Variants in TENM4 observed in about 807,000 individuals in gnomAD.
TENM4 encodes teneurin-4.
TENM4 carries 82 observed loss-of-function variants against 243.3 expected under a neutral mutation model. The ratio of observed to expected loss-of-function variants is 0.34; its 90% CI spans 0.28 to 0.40. The LOEUF (loss-of-function observed/expected upper bound fraction) is 0.40, where lower values mean the gene tolerates loss of function less well. Among genes scored for constraint, TENM4 ranks in the 10% least tolerant of loss-of-function variants. TENM4 has a pLI of 1.00. For synonymous variants in TENM4, 1,412 were observed against 1,456.3 expected (o/e 0.97, Z 0.69); for missense variants, 3,138 against 3,673.3 (o/e 0.85, Z 3.77).
rs145253927 is a variant in TENM4 at position 79,018,452 on chromosome 11, G to GCA, written c.493+46284_493+46285dup. ...CCAGAACCTCCACTCTCACACACAT[G>GCA]CACACACACACACACATCCCCCCAC... On this transcript the variant is annotated intron_variant, in intron 6 of 33. Coordinates refer to ENST00000278550, the MANE Select transcript of TENM4 (RefSeq NM_001098816.3). Among the ~76,000 whole-genome samples the GCA allele has an allele frequency of 2.6e-3, 395 of 150,468 alleles. 4 individuals are homozygous for GCA. The highest frequency in any genetic ancestry group is 9.0e-3 in the African/African-American group (369 of 41,164).
intron 4 of TENM4, among the ~76,000 whole-genome samples, chr11:79,098,613 G>A (rs2137072132): frequency 6.6e-6 from 1 of 152,286 alleles, no homozygotes; most frequent in East Asian, 1.9e-4. Flanking sequence ...CACCTGTACG[G>A]AAGAAAAGCA....
At chr11:78,864,679 C>T (rs191231485) in intron 9 of TENM4, among the ~76,000 whole-genome samples, 24 of 152,026 alleles carry the variant, frequency 1.6e-4, no homozygotes, top group Non-Finnish European at 2.5e-4. Flanking sequence ...GTTCAGGCTC[C>T]CCTCTTCTGA....
At position 78,738,464 on chromosome 11, in the gene TENM4, T is replaced by G; in HGVS notation, c.2863A>C (p.Arg955=). 1.9e-6 allele frequency: 3 copies of G among 1,613,848 alleles called. No individual in the cohort carries two copies. The highest frequency in any genetic ancestry group is 2.5e-6 in the Non-Finnish European group (3 of 1,179,798). ...NNPLFGYTIS[R]QDGSFDLVTN... is the part of the protein sequence containing the mutation. ...AAGGTCTCCTACCTGCCATCTTGCC[T>G]GCTGATTGTATATCCAAAGAGAGGG... The change falls in exon 20 of 34, where the codon AGG becomes CGG. Residue 955 remains arginine (R), a synonymous_variant. Coordinates refer to ENST00000278550, the MANE Select transcript of TENM4 (RefSeq NM_001098816.3).
intron 2 of TENM4, among the ~76,000 whole-genome samples, chr11:79,280,976 G>A (rs1464272718): frequency 1.3e-5 from 2 of 152,212 alleles, no homozygotes; most frequent in African/African-American, 4.8e-5. Flanking sequence ...AAAGGTCACA[G>A]TCAATTTGTT....
intron 3 of TENM4, chr11:79,191,672 A>G (rs1590781869): frequency 1.1e-5 from 2 of 186,002 alleles, no homozygotes; most frequent in Non-Finnish European, 1.1e-5. Flanking sequence ...CATCCCATCT[A>G]GGAAGTGAGG....
chr11:79,411,715 C>G (rs1351367954), intron 1 of TENM4, among the ~76,000 whole-genome samples: 3 of 152,172 alleles, frequency 2.0e-5, no homozygotes, highest in Non-Finnish European at 2.9e-5. Flanking sequence ...TTGGTTTCCT[C>G]TATCTCATCT....
At chr11:79,407,828 T>C (rs908617592) in intron 1 of TENM4, among the ~76,000 whole-genome samples, 3 of 152,166 alleles carry the variant, frequency 2.0e-5, no homozygotes, top group Non-Finnish European at 4.4e-5. Context: ...TAACAGGAAT[T>C]GCTGGGCCTC....
chr11:79,305,943 C>T (rs767038393), intron 1 of TENM4, among the ~76,000 whole-genome samples: 6 of 152,174 alleles, frequency 3.9e-5, no homozygotes, highest in Admixed American at 6.5e-5. Context: ...GCCTCAGAGC[C>T]GACCTGTGGA....
chr11:78,965,084 T>A (rs1000984199), intron 6 of TENM4, among the ~76,000 whole-genome samples: 2 of 152,040 alleles, frequency 1.3e-5, no homozygotes, highest in Non-Finnish European at 2.9e-5. Flanking sequence ...GCCAGGCTGG[T>A]CTCGAACTCC....
At chr11:79,174,445 A>T (rs542663238) in intron 3 of TENM4, among the ~76,000 whole-genome samples, 1 of 152,216 alleles carries the variant, frequency 6.6e-6, no homozygotes, top group African/African-American at 2.4e-5. Context: ...GACTGATTTA[A>T]AATGAAAAAA....
intron 2 of TENM4, among the ~76,000 whole-genome samples, chr11:79,248,584 A>G (rs1305223332): frequency 6.6e-6 from 1 of 152,180 alleles, no homozygotes; most frequent in Non-Finnish European, 1.5e-5. Context: ...CTGTCCCATA[A>G]AGGCAGTAAA....
chr11:79,020,478 C>T (rs1404409610), intron 6 of TENM4, among the ~76,000 whole-genome samples: 1 of 152,136 alleles, frequency 6.6e-6, no homozygotes, highest in Non-Finnish European at 1.5e-5. Flanking sequence ...GTCATTGGAG[C>T]TGTATTCTCT....
intron 12 of TENM4, among the ~76,000 whole-genome samples, chr11:78,836,919 C>T (rs1036234541): frequency 6.6e-6 from 1 of 152,140 alleles, no homozygotes. Context: ...CATACACGTG[C>T]CCATGTCACC....
chr11:79,164,518 CTATA>C (rs1862861604), intron 3 of TENM4, among the ~76,000 whole-genome samples: 1 of 136,528 alleles, frequency 7.3e-6, no homozygotes, highest in Non-Finnish European at 1.5e-5. Context: ...ACTATACATA[CTATA>C]TATATACTAT....
intron 6 of TENM4, among the ~76,000 whole-genome samples, chr11:78,980,716 TCA>T (rs1486473884): frequency 6.6e-6 from 1 of 152,208 alleles, no homozygotes; most frequent in Admixed American, 6.5e-5. Flanking sequence ...TTTCTGAGCC[TCA>T]GTTACTTTAC....
chr11:79,143,323 A>T (rs1282600296), intron 4 of TENM4, among the ~76,000 whole-genome samples: 1 of 152,164 alleles, frequency 6.6e-6, no homozygotes, highest in East Asian at 1.9e-4. Context: ...TGGCACATAT[A>T]CACCATGGAA....
At chr11:79,157,106 G>A (rs938093600) in intron 3 of TENM4, among the ~76,000 whole-genome samples, 2 of 152,174 alleles carry the variant, frequency 1.3e-5, no homozygotes, top group Non-Finnish European at 2.9e-5. Flanking sequence ...TGTAGTCAGA[G>A]AGGAGATGGG....
In TENM4 at chr11:78,706,146, CTAAG is replaced by C. The variant is rs1176495878; in HGVS notation, c.4209+2211_4209+2214del. Among the ~76,000 whole-genome samples, 14 of 152,250 alleles carry C rather than the reference CTAAG, an allele frequency of 9.2e-5. No homozygotes were observed. The South Asian group carries it at 1.0e-3, about 11-fold the overall frequency. On this transcript the variant is annotated intron_variant, in intron 27 of 33. Transcript: ENST00000278550. ...CTACCCTATGAGACTATTGTGATAG[CTAAG>C]TAAGAAAAGAGAAGTTGTACTTATT...
intron 4 of TENM4, among the ~76,000 whole-genome samples, chr11:79,124,330 C>T (rs1376886506): frequency 6.6e-6 from 1 of 151,814 alleles, no homozygotes; most frequent in African/African-American, 2.4e-5. Flanking sequence ...AAAGGCAGAC[C>T]CACCCTTAAT....
Sources: gnomAD v4.1 joint callset for allele counts (sites outside exome capture counted in the v4.1 genomes callset) on GRCh38, gnomAD v4.1.1 for gene constraint, MANE v1.5 for transcripts, NCBI Gene and HGNC (gene_info 2026-07-23, HGNC 2026-07-21) for gene names.